LRRC37A2: variants seen among roughly 807,000 people sequenced by gnomAD.
LRRC37A2 encodes leucine rich repeat containing 37 member A2, also known as leucine-rich repeat-containing protein 37A2.
In LRRC37A2, 9 loss-of-function variants were observed where a neutral mutation model predicts 68.8. That is an observed-to-expected ratio of 0.13 (90% confidence interval 0.08 to 0.23). The LOEUF (loss-of-function observed/expected upper bound fraction) is 0.23, where lower values mean the gene tolerates loss of function less well. Ranked by LOEUF, LRRC37A2 falls within the 10% of genes least tolerant of loss-of-function variation. LRRC37A2 has a pLI of 1.00. For synonymous variants in LRRC37A2, 63 were observed against 367.6 expected (o/e 0.17, Z 9.48); for missense variants, 168 against 950.4 (o/e 0.18, Z 10.82).
the LRRC37A2 span, among the ~76,000 whole-genome samples, chr17:46,801,787 G>A: frequency 1.3e-5 from 2 of 152,182 alleles, no homozygotes; most frequent in African/African-American, 4.8e-5. Context: ...GGAGGGCAGT[G>A]CCACTGTGGG....
intron 8 of LRRC37A2, among the ~76,000 whole-genome samples, chr17:46,545,422 A>G (rs1682825924): frequency 9.0e-6 from 1 of 111,464 alleles, no homozygotes; most frequent in South Asian, 2.6e-4. Flanking sequence ...ACTGTATTTC[A>G]GCCTGGGTGA....
chr17:46,779,649 G>T, the LRRC37A2 span, among the ~76,000 whole-genome samples: 1 of 152,200 alleles, frequency 6.6e-6, no homozygotes, highest in Admixed American at 6.5e-5. Context: ...CTTGTGCATG[G>T]CCTTATCTAA....
chr17:46,961,311 G>A, the LRRC37A2 span, among the ~76,000 whole-genome samples: 3 of 152,172 alleles, frequency 2.0e-5, no homozygotes, highest in Admixed American at 1.3e-4. Flanking sequence ...GCTGAGGCAG[G>A]AGGATCTCTT....
chr17:46,720,198 G>C, the LRRC37A2 span, among the ~76,000 whole-genome samples: 2 of 152,302 alleles, frequency 1.3e-5, no homozygotes, highest in East Asian at 3.9e-4. Flanking sequence ...ATTTGTTGAA[G>C]TTTTTGCATA....
At chr17:46,543,298 T>C (rs948281425) in intron 8 of LRRC37A2, among the ~76,000 whole-genome samples, 4 of 150,524 alleles carry the variant, frequency 2.7e-5, no homozygotes, top group African/African-American at 7.5e-5. Flanking sequence ...TTCATGTGTA[T>C]TGAAAAATTA....
At chr17:46,787,848 C>T in the LRRC37A2 span, among the ~76,000 whole-genome samples, 1 of 151,898 alleles carries the variant, frequency 6.6e-6, no homozygotes, top group Non-Finnish European at 1.5e-5. Context: ...CACAGCTACC[C>T]TGGAGGCTGA....
the LRRC37A2 span, among the ~76,000 whole-genome samples, chr17:46,896,513 G>A: frequency 2.0e-5 from 3 of 152,236 alleles, no homozygotes; most frequent in South Asian, 6.2e-4. Context: ...GCTCATGCCT[G>A]TAATCCCAGA....
the LRRC37A2 span, chr17:47,041,961 C>T: frequency 3.5e-4 from 16 of 46,288 alleles, 1 homozygote; most frequent in African/African-American, 9.0e-4. Context: ...GGTGACCTCC[C>T]GGGAAAAGGA....
At chr17:46,864,722 G>GA in the LRRC37A2 span, among the ~76,000 whole-genome samples, 3 of 152,102 alleles carry the variant, frequency 2.0e-5, no homozygotes, top group African/African-American at 7.2e-5. Flanking sequence ...AAACTGCCAG[G>GA]CTTGGTGGAA....
chr17:47,027,416 G>A, the LRRC37A2 span: 4 of 526,286 alleles, frequency 7.6e-6, no homozygotes, highest in Middle Eastern at 5.5e-4. Flanking sequence ...TAGGGGCTCT[G>A]GAAAGTTCAA....
At chr17:46,949,878 G>A in the LRRC37A2 span, among the ~76,000 whole-genome samples, 2 of 152,192 alleles carry the variant, frequency 1.3e-5, no homozygotes, top group Non-Finnish European at 2.9e-5. Context: ...GTGTGGAGGA[G>A]GGAAGAAAGG....
chr17:46,872,588 C>T, the LRRC37A2 span: 22 of 1,609,868 alleles, frequency 1.4e-5, no homozygotes, highest in South Asian at 1.9e-4. Flanking sequence ...CAGGGCGGGG[C>T]CCACCTGAAG....
the LRRC37A2 span, chr17:46,932,432 G>A: frequency 3.6e-5 from 22 of 607,346 alleles, no homozygotes; most frequent in Middle Eastern, 4.0e-4. Context: ...AGGGGAATAG[G>A]CAGAGGTGAA....
At chr17:46,900,202 T>TACACAC in the LRRC37A2 span, among the ~76,000 whole-genome samples, 28 of 101,164 alleles carry the variant, frequency 2.8e-4, no homozygotes, top group African/African-American at 9.1e-4. Context: ...TATATATATA[T>TACACAC]ACACACACAC....
chr17:46,808,183 A>G, the LRRC37A2 span, among the ~76,000 whole-genome samples: 1 of 152,228 alleles, frequency 6.6e-6, no homozygotes, highest in Non-Finnish European at 1.5e-5. Context: ...TGATTTGATC[A>G]AGGTCGCCCC....
At chr17:46,995,871 C>G in the LRRC37A2 span, among the ~76,000 whole-genome samples, 1 of 152,196 alleles carries the variant, frequency 6.6e-6, no homozygotes, top group South Asian at 2.1e-4. Context: ...GGTCACCTGC[C>G]CAGTGTAAGG....
At chr17:46,775,675 G>A in the LRRC37A2 span, among the ~76,000 whole-genome samples, 1 of 146,314 alleles carries the variant, frequency 6.8e-6, no homozygotes, top group African/African-American at 2.6e-5. Context: ...ATGCAGTGAC[G>A]TGATCTCGGC....
the LRRC37A2 span, among the ~76,000 whole-genome samples, chr17:47,008,261 C>G: frequency 1.3e-5 from 2 of 151,202 alleles, no homozygotes; most frequent in African/African-American, 4.9e-5. Flanking sequence ...CAGGCACCCA[C>G]CACCATGCCC....
the LRRC37A2 span, chr17:46,939,305 T>A: frequency 2.0e-6 from 2 of 1,013,318 alleles, no homozygotes; most frequent in South Asian, 4.1e-5. Context: ...CTGCCAATAC[T>A]TGTCACCATT....
Sources: gnomAD v4.1 joint callset for allele counts (sites outside exome capture counted in the v4.1 genomes callset) on GRCh38, gnomAD v4.1.1 for gene constraint, MANE v1.5 for transcripts, NCBI Gene and HGNC (gene_info 2026-07-23, HGNC 2026-07-21) for gene names.